Variants in AGXT observed in about 807,000 individuals in gnomAD.
The protein encoded by AGXT is alanine--glyoxylate aminotransferase, also known as L-alanine: glyoxylate aminotransferase 1.
In AGXT, 41 loss-of-function variants were observed where a neutral mutation model predicts 46.9. That is an observed-to-expected ratio of 0.88 (90% CI 0.68 to 1.14). The LOEUF (loss-of-function observed/expected upper bound fraction) is 1.14. AGXT is among the 50% of genes most tolerant of loss of function. AGXT has a pLI of 0.00. For missense variants in AGXT, 525 were observed against 522.7 expected, an observed-to-expected ratio of 1.00 and a Z score of -0.04; for synonymous variants, 244 against 227.9, an observed-to-expected ratio of 1.07 and a Z score of -0.64.
At chr2:240,875,870 G>A (rs2059021864) in intron 7 of AGXT, 65 bp from the exon 8 acceptor site, 4 of 1,535,162 alleles carry the variant, frequency 2.6e-6, no homozygotes, top group South Asian at 1.1e-5. Context: ...GGCAGACAGA[G>A]CTAATGCCCC....
rs765420873 is a variant in AGXT at position 240,873,042 on chromosome 2, C to A, written c.588C>A (p.Asp196Glu). The A allele has an allele frequency of 3.1e-6, 5 of 1,613,544 alleles. No individual in the cohort carries two copies. The highest frequency in any genetic ancestry group is 2.7e-5 in the African/African-American group (2 of 74,924). ...ASLGGTPLYM[D>E]RQGIDILYSG... Reference sequence around the variant, plus strand: ...TGGGCGGGACCCCCCTTTACATGGACCGGCAAGGTAAGGGTGGGCTCTGAG... The same window carrying A: ...TGGGCGGGACCCCCCTTTACATGGAACGGCAAGGTAAGGGTGGGCTCTGAG... Residue 196 changes from aspartate to glutamate, a missense_variant, in exon 5 of 11, where the codon GAC becomes GAA. By Grantham distance (45) the Asp-to-Glu change is conservative (BLOSUM62 2). Transcript: ENST00000307503.
intron 1 of AGXT, 45 bp from the exon 2 acceptor site, chr2:240,869,125 G>C: frequency 8.0e-7 from 1 of 1,256,708 alleles, no homozygotes; most frequent in Non-Finnish European, 1.1e-6. Context: ...TCCTCACTTG[G>C]GGAGGCGGGG....
intron 6 of AGXT, 31 bp downstream of exon 6, chr2:240,874,093 C>T (rs753419614): frequency 1.8e-5 from 29 of 1,604,678 alleles, no homozygotes; most frequent in Admixed American, 5.0e-5. Flanking sequence ...CACCTCTGTG[C>T]AGGGCTGGGC....
rs180177267 is a variant in AGXT at position 240,875,934 on chromosome 2, G to C, written c.777-1G>C. On this transcript the variant is annotated splice_acceptor_variant, in intron 7 of 10. Transcript: ENST00000307503. LOFTEE classifies it high-confidence loss of function. ...GGACCAAGCCCCCTCGTGTCTTCCA[G>C]GTACCATCACACAATCCCCGTCATC... 2.9e-5 allele frequency: 47 copies of C among 1,614,076 alleles called. No homozygotes were observed. The highest frequency in any genetic ancestry group is 3.9e-5 in the Non-Finnish European group (46 of 1,180,034).
Position 240,878,767 on chromosome 2 carries a change from C to A in AGXT, c.1125C>A (p.Arg375=), listed in dbSNP as rs528663088. The change falls in exon 11 of 11, where the codon CGC becomes CGA. Residue 375 remains arginine, a synonymous_variant. Transcript: ENST00000307503. ...GCNATRENVD[R]VTEALRAALQ... Reference sequence around the variant, plus strand: ...ATGCCACCCGCGAGAATGTGGACCGCGTGACGGAGGCCCTGAGGGCGGCCC... The same window carrying A: ...ATGCCACCCGCGAGAATGTGGACCGAGTGACGGAGGCCCTGAGGGCGGCCC... The A allele has an allele frequency of 6.3e-7, 1 of 1,593,420 alleles. No individual in the cohort carries two copies. Among genetic ancestry groups the A allele is most frequent in the South Asian group, 1.1e-5 (1 of 87,442 alleles).
chr2:240,871,491 AG>A (rs1432839660), intron 4 of AGXT, 42 bp downstream of exon 4: 11 of 1,530,506 alleles, frequency 7.2e-6, no homozygotes, highest in Non-Finnish European at 8.0e-6. Context: ...CACAGCTCAG[AG>A]CCAGGCTATG....
chr2:240,875,257 T>C, intron 7 of AGXT, 53 bp downstream of exon 7: 2 of 1,451,570 alleles, frequency 1.4e-6, no homozygotes, highest in Non-Finnish European at 1.9e-6. Flanking sequence ...GGCTGAGAGG[T>C]GGGGCGCTGG....
intron 10 of AGXT, 32 bp downstream of exon 10, chr2:240,878,182 G>A: frequency 6.2e-7 from 1 of 1,610,398 alleles, no homozygotes; most frequent in Non-Finnish European, 8.5e-7. Context: ...GCCTTTTGCA[G>A]AAACCAAACC....
Position 240,869,033 on chromosome 2 carries a change from A to G in AGXT, c.165+3A>G. The G allele has an allele frequency of 7.4e-7, 1 of 1,360,442 alleles. No homozygotes were observed. The allele number at this position is 1,360,442 out of a possible 1,614,324, so 84.3% of individuals were successfully genotyped here. A position where few individuals can be genotyped will look rare whatever the true frequency, so the allele number is the denominator to read the frequency against. On this transcript the variant is annotated splice_donor_region_variant and intron_variant, in intron 1 of 10. Transcript: ENST00000307503. ...CCATGAGCAAGGATATGTACCAGGT[A>G]GGAGTGGGGGTCACTCGGGGGGCCT...
chr2:240,878,974 GC>G lies in AGXT; in HGVS notation c.*157del. On this transcript the variant is annotated 3_prime_UTR_variant, in exon 11 of 11. Transcript: ENST00000307503. ...GAGGCAGAACCAGGCAGCCTCCCTGGCCCCAGGCAGCCCTTTTCCCTCCAGT... is the reference window on the plus strand; with the variant it reads ...GAGGCAGAACCAGGCAGCCTCCCTGGCCCAGGCAGCCCTTTTCCCTCCAGT... 1 of 743,816 alleles carries G rather than the reference GC, an allele frequency of 1.3e-6. No homozygotes were observed. Among genetic ancestry groups the G allele is most frequent in the Non-Finnish European group, 2.3e-6 (1 of 437,244 alleles). 46.1% of individuals were successfully genotyped at this position (743,816 alleles called of 1,614,324 possible). A position where few individuals can be genotyped will look rare whatever the true frequency, so the allele number is the denominator to read the frequency against.
At chr2:240,874,553 G>A (rs1194872852) in intron 6 of AGXT, among the ~76,000 whole-genome samples, 1 of 152,364 alleles carries the variant, frequency 6.6e-6, no homozygotes, top group Non-Finnish European at 1.5e-5. Flanking sequence ...CTGGCAACTG[G>A]AGGTGCCGTT....
At chr2:240,878,283 C>A in intron 10 of AGXT, 133 bp downstream of exon 10, 1 of 1,318,612 alleles carries the variant, frequency 7.6e-7, no homozygotes, top group Non-Finnish European at 1.0e-6. Context: ...CCAGAAGGGC[C>A]CACTCTCCAA....
rs1363775610 is a variant in AGXT, at chr2:240,878,794, G to A, written c.1152G>A (p.Leu384=). The change falls in exon 11 of 11, where the codon CTG becomes CTA. Residue 384 remains leucine, a synonymous_variant. Coordinates refer to ENST00000307503, the MANE Select transcript of AGXT (RefSeq NM_000030.3). ...TGACGGAGGCCCTGAGGGCGGCCCT[G>A]CAGCACTGCCCCAAGAAGAAGCTGT... ...DRVTEALRAA[L]QHCPKKKL The A allele has an allele frequency of 1.9e-6, 3 of 1,594,606 alleles. No individual in the cohort carries two copies. The highest frequency in any genetic ancestry group is 4.5e-5 in the East Asian group (2 of 44,202).
chr2:240,875,641 G>A (rs769891284), intron 7 of AGXT, among the ~76,000 whole-genome samples: 3 of 152,374 alleles, frequency 2.0e-5, no homozygotes, highest in Admixed American at 6.5e-5. Flanking sequence ...GGCCAGTGCC[G>A]GCTTCGCAGG....
intron 2 of AGXT, 127 bp from the exon 3 acceptor site, chr2:240,870,517 C>A: frequency 2.7e-6 from 3 of 1,113,924 alleles, no homozygotes; most frequent in Admixed American, 4.3e-5. Flanking sequence ...TTCAGGCAGG[C>A]AGCCAGGGTG....
intron 3 of AGXT, 147 bp downstream of exon 3, chr2:240,870,855 G>A: frequency 1.3e-6 from 1 of 767,146 alleles, no homozygotes; most frequent in Non-Finnish European, 2.2e-6. Context: ...AGCATCTGGT[G>A]AGCGGCCACA....
At chr2:240,871,697 C>T (rs1223620398) in intron 4 of AGXT, among the ~76,000 whole-genome samples, 1 of 152,194 alleles carries the variant, frequency 6.6e-6, no homozygotes, top group East Asian at 1.9e-4. Flanking sequence ...ACCTCTGTCC[C>T]CAGGGCTGAA....
At chr2:240,876,078 G>A in intron 8 of AGXT, 74 bp downstream of exon 8, 2 of 1,516,870 alleles carry the variant, frequency 1.3e-6, no homozygotes, top group Non-Finnish European at 1.8e-6. Flanking sequence ...TGCAGAGAAG[G>A]AACCATCCCT....
chr2:240,873,524 C>T lies in AGXT; in HGVS notation c.596-454C>T, dbSNP rs538777499. The T allele has an allele frequency of 6.1e-4, 162 of 266,852 alleles. 3 individuals are homozygous for T. Among genetic ancestry groups the T allele is most frequent in the African/African-American group, 3.5e-3 (157 of 45,008 alleles). 16.5% of individuals were successfully genotyped at this position (266,852 alleles called of 1,614,324 possible). A position where few individuals can be genotyped will look rare whatever the true frequency, so the allele number is the denominator to read the frequency against. ...CGAGGGGCCAAGGAGCCTCCTGTGC[C>T]CATCCGCTTACGGGAGAGAGCCTGC... On this transcript the variant is annotated intron_variant, in intron 5 of 10. Transcript: ENST00000307503.
Sources: gnomAD v4.1 joint callset for allele counts (sites outside exome capture counted in the v4.1 genomes callset) on GRCh38, gnomAD v4.1.1 for gene constraint, MANE v1.5 for transcripts, NCBI Gene and HGNC (gene_info 2026-07-23, HGNC 2026-07-21) for gene names.